Variants in LMNA observed in about 807,000 individuals in gnomAD.
The protein encoded by LMNA is lamin A/C.
A neutral mutation model predicts 70.4 loss-of-function variants in LMNA; 20 were observed. The ratio of observed to expected loss-of-function variants is 0.28; its 90% confidence interval spans 0.20 to 0.41. The LOEUF (loss-of-function observed/expected upper bound fraction) is 0.41. Ranked by LOEUF, LMNA falls within the 10% of genes least tolerant of loss-of-function variation. LMNA has a pLI of 1.00. For synonymous variants in LMNA, 339 were observed against 372.8 expected (o/e 0.91, Z 1.04); for missense variants, 652 against 917.2 (o/e 0.71, Z 3.73).
rs398124551 is a variant in LMNA, at chr1:156,138,663, G to C, written c.1874G>C (p.Ser625Thr). 49 of 1,613,634 alleles carry C rather than the reference G, an allele frequency of 3.0e-5. No individual in the cohort carries two copies. In the African/African-American group the frequency reaches 5.9e-4, roughly 19 times the overall value. Residue 625 changes from serine to threonine, a missense_variant, in exon 11 of 12, where the codon AGC becomes ACC. By Grantham distance (58) the Ser-to-Thr change is moderately conservative. This residue lies in a region of LMNA where 327 missense variants were observed against 387.6 expected (regional missense o/e 0.84). Coordinates refer to ENST00000368300, the MANE Select transcript of LMNA (RefSeq NM_170707.4). This position sits in a 1 kb window ranked among gnomAD's most constrained non-coding sequence, Gnocchi z 5.5. The stretch of plus-strand genomic sequence containing the variant: ...GCCTCCAGTGTCACGGTCACTCGCA[G>C]CTACCGCAGTGTGGGGGGCAGTGGG... The part of the protein sequence containing the change: ...SSASSVTVTR[S>T]YRSVGGSGGG...
chr1:156,138,408 GCAGGAGC>G lies in LMNA; in HGVS notation c.1699-78_1699-72del. On this transcript the variant is annotated intron_variant, in intron 10 of 11. Coordinates refer to ENST00000368300, the MANE Select transcript of LMNA (RefSeq NM_170707.4). The surrounding 1 kb of genome is among the most constrained non-coding windows in gnomAD (Gnocchi z 5.5). ...CTTCCTGCCTGGCGGCTGGGAGCCT[GCAGGAGC>G]CTGGAGCCTGGTTGGGCCTGAGTGG... The G allele has an allele frequency of 6.7e-7, 1 of 1,501,414 alleles. No individual in the cohort carries two copies. Among genetic ancestry groups the G allele is most frequent in the South Asian group, 1.2e-5 (1 of 83,174 alleles). The allele number at this position is 1,501,414 out of a possible 1,614,324, so 93.0% of individuals were successfully genotyped here. A position where few individuals can be genotyped will look rare whatever the true frequency, so the allele number is the denominator to read the frequency against.
At chr1:156,094,089 C>A (rs10737170) in intron 3 of LMNA, among the ~76,000 whole-genome samples, 136,797 of 152,134 alleles carry the variant, frequency 0.9, 61,549 homozygotes, top group Admixed American at 0.92. Flanking sequence ...GCAGGAACTC[C>A]ATAGTGTTGC....
intron 3 of LMNA, among the ~76,000 whole-genome samples, chr1:156,107,718 C>T (rs1038658574): frequency 3.9e-5 from 6 of 152,194 alleles, no homozygotes; most frequent in Admixed American, 2.0e-4. Flanking sequence ...CCTCATTCCC[C>T]CTTGCTGAGC....
chr1:156,136,568 T>C lies in LMNA; in HGVS notation c.1380+132T>C. 2.1e-6 allele frequency: 2 copies of C among 956,584 alleles called. No individual in the cohort carries two copies. Among genetic ancestry groups the C allele is most frequent in the East Asian group, 2.6e-5 (1 of 38,350 alleles). 59.3% of individuals were successfully genotyped at this position (956,584 alleles called of 1,614,324 possible). A position where few individuals can be genotyped will look rare whatever the true frequency, so the allele number is the denominator to read the frequency against. On this transcript the variant is annotated intron_variant, in intron 7 of 11. Transcript: ENST00000368300. The surrounding 1 kb of genome is among the most constrained non-coding windows in gnomAD (Gnocchi z 6.1). The stretch of plus-strand genomic sequence containing the variant: ...GACCAGGGTGAGCCTGTATATCTCC[T>C]CCACACTCTGGTTCCAGGCCTGGCT...
chr1:156,094,365 G>T (rs1648828225), intron 3 of LMNA, among the ~76,000 whole-genome samples: 4 of 152,240 alleles, frequency 2.6e-5, no homozygotes, highest in Non-Finnish European at 5.9e-5. Context: ...TTTTGAGACA[G>T]TCTTGCTGTG....
chr1:156,131,021 C>G (rs1651018218), intron 2 of LMNA, among the ~76,000 whole-genome samples: 1 of 152,156 alleles, frequency 6.6e-6, no homozygotes, highest in South Asian at 2.1e-4. Context: ...CCTGTAATCC[C>G]AGCACTTTAG....
chr1:156,119,202 C>T (rs1347616399), intron 1 of LMNA, among the ~76,000 whole-genome samples: 1 of 151,906 alleles, frequency 6.6e-6, no homozygotes, highest in Non-Finnish European at 1.5e-5. Flanking sequence ...ATTGCAACCT[C>T]CACCTCCCAG....
At chr1:156,117,969 A>ATTTTTT (rs1186679791) in intron 1 of LMNA, among the ~76,000 whole-genome samples, 80 of 91,794 alleles carry the variant, frequency 8.7e-4, no homozygotes, top group East Asian at 2.8e-3. Flanking sequence ...CGCTTGGCTA[A>ATTTTTT]TTTTTTTTTT....
chr1:156,130,846 C>T, intron 2 of LMNA, 73 bp downstream of exon 2: 1 of 1,439,212 alleles, frequency 6.9e-7, no homozygotes, highest in Non-Finnish European at 9.5e-7. Context: ...CCTAGGCCCT[C>T]CCCCATGTGG....
At chr1:156,084,400 A>G (rs1402283784) in intron 2 of LMNA, among the ~76,000 whole-genome samples, 1 of 148,570 alleles carries the variant, frequency 6.7e-6, no homozygotes, top group Non-Finnish European at 1.5e-5. Flanking sequence ...CCAGGGAAGG[A>G]GAACCTTGAC....
intron 2 of LMNA, among the ~76,000 whole-genome samples, chr1:156,089,858 C>G (rs1430910073): frequency 6.6e-6 from 1 of 152,160 alleles, no homozygotes; most frequent in Non-Finnish European, 1.5e-5. Flanking sequence ...AGTCTGGGCC[C>G]CTTAGGACAG....
At chr1:156,111,404 G>A (rs532706610), upstream of LMNA, among the ~76,000 whole-genome samples, 17 of 150,632 alleles carry the variant, frequency 1.1e-4, no homozygotes, top group South Asian at 1.5e-3. Flanking sequence ...AGCTGAGATT[G>A]TACTGTTGCA....
chr1:156,114,034 GAGAT>G (rs1284858206), upstream of LMNA, among the ~76,000 whole-genome samples: 2 of 152,044 alleles, frequency 1.3e-5, no homozygotes, highest in Non-Finnish European at 2.9e-5. Context: ...GCTTTGAAGA[GAGAT>G]AGATTGGGGC....
chr1:156,103,545 G>A lies in LMNA; in HGVS notation c.-206-11168G>A, dbSNP rs952983534. Among the ~76,000 whole-genome samples, 2 of 152,096 alleles carry A rather than the reference G, an allele frequency of 1.3e-5. No individual in the cohort carries two copies. The highest frequency in any genetic ancestry group is 2.4e-5 in the African/African-American group (1 of 41,414). ...GTGGGCAGATGGTGGCCCCCTTGAGGAGGAGATGGGAGGGCAGCGCATACC... is the reference window on the plus strand; with the variant it reads ...GTGGGCAGATGGTGGCCCCCTTGAGAAGGAGATGGGAGGGCAGCGCATACC... On this transcript the variant is annotated intron_variant, in intron 3 of 12. Coordinates refer to the LMNA transcript ENST00000368301. This position sits in a 1 kb window ranked among gnomAD's most constrained non-coding sequence, Gnocchi z 4.7.
At chr1:156,106,060 G>C (rs1364700767) in intron 3 of LMNA, among the ~76,000 whole-genome samples, 1 of 152,134 alleles carries the variant, frequency 6.6e-6, no homozygotes, top group Admixed American at 6.5e-5. Flanking sequence ...GCGTGAACCC[G>C]GGAGGCGGGG....
chr1:156,137,149 C>A lies in LMNA; in HGVS notation c.1525C>A (p.Pro509Thr), dbSNP rs762847359. ...AAGAGATHSP[P>T]TDLVWKAQNT... ...AGGAGCTGGGGCCACCCACAGCCCC[C>A]CTACCGACCTGGTGTGGAAGGCACA... The change falls in exon 9 of 12, where the codon CCT (proline) becomes ACT (threonine). Residue 509 changes from proline (P) to threonine (T), a missense_variant. By Grantham distance (38) the Pro-to-Thr change is conservative (BLOSUM62 -1). Around this residue, in one of 4 missense-constraint regions of LMNA, gnomAD observed 327 missense variants for 387.6 expected, o/e 0.84. Coordinates refer to ENST00000368300, the MANE Select transcript of LMNA (RefSeq NM_170707.4). The surrounding 1 kb of genome is among the most constrained non-coding windows in gnomAD (Gnocchi z 4.6). 4 of 1,613,252 alleles carry A rather than the reference C, an allele frequency of 2.5e-6. No individual in the cohort carries two copies. Among genetic ancestry groups the A allele is most frequent in the Non-Finnish European group, 3.4e-6 (4 of 1,179,720 alleles).
Position 156,135,405 on chromosome 1 carries a change from G to A in LMNA, c.936+93G>A. On this transcript the variant is annotated intron_variant, in intron 5 of 11. Coordinates refer to ENST00000368300, the MANE Select transcript of LMNA (RefSeq NM_170707.4). This position sits in a 1 kb window ranked among gnomAD's most constrained non-coding sequence, Gnocchi z 4.8. Reference sequence around the variant, plus strand: ...GGGTTGGGGGTGGGGGTGGGGGTGGGAGGTTCCTGAGGAGGAGAGGGATGA... The same window carrying A: ...GGGTTGGGGGTGGGGGTGGGGGTGGAAGGTTCCTGAGGAGGAGAGGGATGA... The A allele has an allele frequency of 6.5e-6, 4 of 619,574 alleles. No individual in the cohort carries two copies. The highest frequency in any genetic ancestry group is 8.3e-6 in the Non-Finnish European group (3 of 362,894). 38.4% of individuals were successfully genotyped at this position (619,574 alleles called of 1,614,324 possible).
rs1425139296 is a variant in LMNA, at chr1:156,136,516, G to A, written c.1380+80G>A. The A allele has an allele frequency of 2.9e-6, 4 of 1,387,530 alleles. No individual in the cohort carries two copies. The Admixed American group carries it at 5.9e-5, about 20-fold the overall frequency. The allele number at this position is 1,387,530 out of a possible 1,614,324, so 86.0% of individuals were successfully genotyped here. A position where few individuals can be genotyped will look rare whatever the true frequency, so the allele number is the denominator to read the frequency against. ...AAGACAGAAGGATGGCATGTGGAGAGAGGAACATCCTTGCCCTCAGAGGGT... is the reference window on the plus strand; with the variant it reads ...AAGACAGAAGGATGGCATGTGGAGAAAGGAACATCCTTGCCCTCAGAGGGT... On this transcript the variant is annotated intron_variant, in intron 7 of 11. Coordinates refer to ENST00000368300, the MANE Select transcript of LMNA (RefSeq NM_170707.4). The surrounding 1 kb of genome is among the most constrained non-coding windows in gnomAD (Gnocchi z 6.1).
At chr1:156,093,606 A>G (rs1648797157) in intron 3 of LMNA, 3 of 152,080 alleles carry the variant, frequency 2.0e-5, no homozygotes, top group Admixed American at 2.0e-4. Flanking sequence ...GCGTCCAACT[A>G]CATGTCACTT....
Sources: allele counts gnomAD v4.1 joint callset (sites outside exome capture counted in the v4.1 genomes callset), GRCh38; gene constraint gnomAD v4.1.1; regional missense constraint gnomAD v4.1.1; non-coding constraint Gnocchi (gnomAD v3.1); transcripts MANE v1.5; gene names NCBI Gene and HGNC (gene_info 2026-07-23, HGNC 2026-07-21).